The following PRKCH variants were observed in gnomAD, a reference collection of about 807,000 sequenced individuals.
The protein encoded by PRKCH is protein kinase C eta.
PRKCH carries 28 observed loss-of-function variants against 82.5 expected under a neutral mutation model. That is an observed-to-expected ratio of 0.34 (90% CI 0.25 to 0.47). The LOEUF (loss-of-function observed/expected upper bound fraction) is 0.47, where lower values mean the gene tolerates loss of function less well. PRKCH is among the 20% of genes least tolerant of loss of function. PRKCH has a pLI of 1.00. For synonymous variants in PRKCH, 322 were observed against 327.4 expected (o/e 0.98, Z 0.18); for missense variants, 705 against 881.8 (o/e 0.80, Z 2.54).
intron 12 of PRKCH, among the ~76,000 whole-genome samples, chr14:61,544,942 A>C (rs1040455994): frequency 3.3e-5 from 5 of 151,262 alleles, no homozygotes; most frequent in Admixed American, 3.3e-4. Flanking sequence ...TTAACTAGAA[A>C]CTCTCCTAGT....
At chr14:61,268,604 G>A (rs918902945) in intron 1 of PRKCH, among the ~76,000 whole-genome samples, 3 of 152,084 alleles carry the variant, frequency 2.0e-5, no homozygotes, top group Admixed American at 2.0e-4. Flanking sequence ...GGAGGCGGAG[G>A]TTACAGAGAG....
At chr14:61,331,813 G>T (rs541018961) in intron 1 of PRKCH, among the ~76,000 whole-genome samples, 1 of 152,228 alleles carries the variant, frequency 6.6e-6, no homozygotes, top group South Asian at 2.1e-4. Flanking sequence ...CTGTCAAAAT[G>T]AATTATGTGT....
intron 1 of PRKCH, among the ~76,000 whole-genome samples, chr14:61,271,482 T>A (rs1184599986): frequency 6.6e-6 from 1 of 152,232 alleles, no homozygotes; most frequent in African/African-American, 2.4e-5. Context: ...TTAACATTCA[T>A]GATTAATCAT....
intron 7 of PRKCH, among the ~76,000 whole-genome samples, chr14:61,455,785 C>T (rs775511051): frequency 1.9e-4 from 29 of 152,170 alleles, no homozygotes; most frequent in Non-Finnish European, 3.7e-4. Context: ...CTAGTGGTAG[C>T]TTATCTTATA....
intron 1 of PRKCH, among the ~76,000 whole-genome samples, chr14:61,246,362 C>A (rs188980572): frequency 4.0e-5 from 6 of 150,200 alleles, no homozygotes; most frequent in African/African-American, 1.5e-4. Flanking sequence ...GAGCCAAGAT[C>A]GACCCACTGC....
chr14:61,357,931 C>T (rs1594943100), intron 1 of PRKCH, among the ~76,000 whole-genome samples: 1 of 152,136 alleles, frequency 6.6e-6, no homozygotes, highest in African/African-American at 2.4e-5. Context: ...ATGTCTCTGC[C>T]TTGCACTGCC....
At chr14:61,464,360 G>A (rs1378887255) in intron 9 of PRKCH, among the ~76,000 whole-genome samples, 2 of 149,584 alleles carry the variant, frequency 1.3e-5, no homozygotes, top group African/African-American at 4.9e-5. Flanking sequence ...CCATTTGTGT[G>A]TGTGGTTTTG....
intron 1 of PRKCH, chr14:61,305,051 GTATT>G (rs1023614509): frequency 1.3e-5 from 2 of 151,362 alleles, no homozygotes; most frequent in East Asian, 3.9e-4. Flanking sequence ...TTTATTTTTT[GTATT>G]TATTCTGCTT....
At chr14:61,331,328 GTAT>G (rs1385509865) in intron 1 of PRKCH, among the ~76,000 whole-genome samples, 1 of 152,078 alleles carries the variant, frequency 6.6e-6, no homozygotes, top group Non-Finnish European at 1.5e-5. Flanking sequence ...CTGCAAATTA[GTAT>G]TATATTAACT....
At chr14:61,382,464 AG>A (rs1465580369) in intron 1 of PRKCH, among the ~76,000 whole-genome samples, 1 of 152,160 alleles carries the variant, frequency 6.6e-6, no homozygotes, top group African/African-American at 2.4e-5. Context: ...AAAAAAAACA[AG>A]AAAAACCAAT....
At position 61,358,113 on chromosome 14, in the gene PRKCH, T is replaced by C. The variant is rs553329036; in HGVS notation, c.364-33112T>C. 2.1e-4 allele frequency among the ~76,000 whole-genome samples: 32 copies of C among 152,348 alleles called. No homozygotes were observed. The South Asian group carries it at 6.4e-3, about 31-fold the overall frequency. On this transcript the variant is annotated intron_variant, in intron 1 of 13. Transcript: ENST00000332981. ...CTCTGGAATCAGATTTGGATTTGAATTGGGGCTCTGATACTTCCTGGATGT... is the reference window on the plus strand; with the variant it reads ...CTCTGGAATCAGATTTGGATTTGAACTGGGGCTCTGATACTTCCTGGATGT...
rs757648584 is a variant in PRKCH, at chr14:61,502,079, TTTTC to T, written c.1433+16424_1433+16427del. Among the ~76,000 whole-genome samples, 498 of 139,810 alleles carry T rather than the reference TTTTC, an allele frequency of 3.6e-3. 43 individuals carry two copies. Among genetic ancestry groups the T allele is most frequent in the East Asian group, 9.2e-3 (46 of 5,004 alleles). The allele number at this position is 139,810 out of a possible 152,430, so 91.7% of individuals were successfully genotyped here. ...TCTTTTCTTTTCTTTTTTTTTTTTT[TTTTC>T]CGAGATGGAGTCTCACTCTCACTCA... On this transcript the variant is annotated intron_variant, in intron 10 of 13. Coordinates refer to ENST00000332981, the MANE Select transcript of PRKCH (RefSeq NM_006255.5).
intron 9 of PRKCH, among the ~76,000 whole-genome samples, chr14:61,467,198 G>T (rs988193504): frequency 6.6e-6 from 1 of 152,214 alleles, no homozygotes; most frequent in Non-Finnish European, 1.5e-5. Flanking sequence ...CAGCACAAGA[G>T]CTCTGAGTTC....
chr14:61,396,371 A>C (rs2046783598), intron 2 of PRKCH, among the ~76,000 whole-genome samples: 1 of 152,204 alleles, frequency 6.6e-6, no homozygotes, highest in Admixed American at 6.5e-5. Flanking sequence ...CTCAGGCAAA[A>C]CTATTTTGTT....
intron 1 of PRKCH, among the ~76,000 whole-genome samples, chr14:61,268,029 A>G (rs1460144532): frequency 7.9e-5 from 12 of 152,232 alleles, no homozygotes; most frequent in Admixed American, 7.9e-4. Flanking sequence ...AGATTTTCCT[A>G]AAATTCCTTC....
chr14:61,460,985 G>C (rs577068129), intron 9 of PRKCH, among the ~76,000 whole-genome samples: 2 of 152,202 alleles, frequency 1.3e-5, no homozygotes, highest in East Asian at 3.9e-4. Flanking sequence ...CACTGAAGGA[G>C]ATACATGGCT....
At position 61,231,238 on chromosome 14, in the gene PRKCH, T is replaced by C. The variant is rs139429632; in HGVS notation, c.-19+43570T>C. 2.6e-3 allele frequency among the ~76,000 whole-genome samples: 392 copies of C among 152,314 alleles called. 3 individuals are homozygous for C. Among genetic ancestry groups the C allele is most frequent in the African/African-American group, 8.8e-3 (365 of 41,562 alleles). Reference sequence around the variant, plus strand: ...AATAGTATTTCTCTTACAAGGTTATTGCAAGGACTAAACAATTCAATACAC... The same window carrying C: ...AATAGTATTTCTCTTACAAGGTTATCGCAAGGACTAAACAATTCAATACAC... On this transcript the variant is annotated intron_variant, in intron 1 of 3. Coordinates refer to the PRKCH transcript ENST00000555185.
At chr14:61,199,866 T>A (rs2044466882) in intron 1 of PRKCH, among the ~76,000 whole-genome samples, 1 of 152,246 alleles carries the variant, frequency 6.6e-6, no homozygotes, top group East Asian at 1.9e-4. Flanking sequence ...ATTTTTGGAT[T>A]GGATTCCATC....
At chr14:61,346,206 A>G (rs535583289) in intron 1 of PRKCH, among the ~76,000 whole-genome samples, 1 of 152,198 alleles carries the variant, frequency 6.6e-6, no homozygotes, top group South Asian at 2.1e-4. Flanking sequence ...TTTTTTAGCA[A>G]TTTAATGAAT....
Sources: allele counts gnomAD v4.1 joint callset (sites outside exome capture counted in the v4.1 genomes callset), GRCh38; gene constraint gnomAD v4.1.1; transcripts MANE v1.5; gene names NCBI Gene and HGNC (gene_info 2026-07-23, HGNC 2026-07-21).